The following GREB1L variants were observed in gnomAD, a reference collection of about 807,000 sequenced individuals.
The protein encoded by GREB1L is GREB1-like protein.
Under a neutral mutation model 200.8 loss-of-function variants are expected in GREB1L, and 17 were observed. The ratio of observed to expected loss-of-function variants is 0.08; its 90% CI spans 0.06 to 0.13. GREB1L has a LOEUF of 0.13. Ranked by LOEUF, GREB1L falls within the 10% of genes least tolerant of loss-of-function variation. The probability of loss-of-function intolerance (pLI) is 1.00; values close to 1 mark genes in which losing one functional copy is unlikely to be tolerated. For missense variants in GREB1L, 1,657 were observed against 2,367.7 expected, an observed-to-expected ratio of 0.70 and a Z score of 6.23; for synonymous variants, 789 against 893.0, an observed-to-expected ratio of 0.88 and a Z score of 2.08.
intron 14 of GREB1L, 50 bp from the exon 15 acceptor site, chr18:21,454,316 A>G: frequency 8.0e-7 from 1 of 1,248,810 alleles, no homozygotes; most frequent in African/African-American, 1.5e-5. Flanking sequence ...CACAGTGGCC[A>G]TTAGGGAAGT....
At position 21,454,506 on chromosome 18, in the gene GREB1L, A is replaced by G; in HGVS notation, c.2125A>G (p.Ile709Val). Residue 709 changes from isoleucine to valine, a missense_variant, in exon 15 of 33, where the codon ATT (isoleucine) becomes GTT (valine). Around this residue, in one of 9 missense-constraint regions of GREB1L, gnomAD observed 239 missense variants for 421.8 expected, o/e 0.57. Transcript: ENST00000424526. Reference sequence around the variant, plus strand: ...CTTCAGCAAAGTAGACTTCATCATCATTGTTCCCAGATCGGAGGTGTTGGT... The same window carrying G: ...CTTCAGCAAAGTAGACTTCATCATCGTTGTTCCCAGATCGGAGGTGTTGGT... ...GHFSKVDFII[I>V]VPRSEVLVQQ... is the part of the protein sequence containing the mutation. 6.4e-7 allele frequency: 1 copy of G among 1,551,638 alleles called. No individual in the cohort carries two copies. The highest frequency in any genetic ancestry group is 8.7e-7 in the Non-Finnish European group (1 of 1,146,982).
At chr18:21,357,294 C>T (rs1442104542) in intron 1 of GREB1L, among the ~76,000 whole-genome samples, 6 of 152,178 alleles carry the variant, frequency 3.9e-5, no homozygotes, top group African/African-American at 1.2e-4. Flanking sequence ...CCTCGTGATC[C>T]GCCCGCCTCA....
chr18:21,506,061 G>A (rs2037003015), intron 25 of GREB1L, 112 bp downstream of exon 25: 1 of 1,155,948 alleles, frequency 8.7e-7, no homozygotes, highest in East Asian at 2.6e-5. Flanking sequence ...CTCTGGTAAA[G>A]GATAGTTTAC....
chr18:21,252,421 G>A (rs1212246133), intron 1 of GREB1L, among the ~76,000 whole-genome samples: 1 of 151,992 alleles, frequency 6.6e-6, no homozygotes, highest in East Asian at 1.9e-4. Flanking sequence ...GCCTGGTATG[G>A]TGGCGCATGC....
chr18:21,410,860 G>T (rs1025743652), intron 7 of GREB1L, among the ~76,000 whole-genome samples: 1 of 152,024 alleles, frequency 6.6e-6, no homozygotes, highest in Non-Finnish European at 1.5e-5. Context: ...GGAGGCTGAG[G>T]CAGGAGGATC....
intron 7 of GREB1L, among the ~76,000 whole-genome samples, chr18:21,437,735 A>T (rs1328062467): frequency 6.6e-6 from 1 of 152,328 alleles, no homozygotes; most frequent in East Asian, 1.9e-4. Context: ...AAAGAAAAGG[A>T]AGGACATCTT....
At chr18:21,291,172 C>T (rs1187790484) in intron 1 of GREB1L, among the ~76,000 whole-genome samples, 1 of 152,138 alleles carries the variant, frequency 6.6e-6, no homozygotes, top group African/African-American at 2.4e-5. Flanking sequence ...CCAGGCAGTA[C>T]CCTAGCTATA....
At chr18:21,273,719 A>G (rs556258745) in intron 1 of GREB1L, among the ~76,000 whole-genome samples, 18 of 152,234 alleles carry the variant, frequency 1.2e-4, no homozygotes, top group South Asian at 8.3e-4. Context: ...CACAATGGAG[A>G]GTAGGGGAGA....
Position 21,497,815 on chromosome 18 carries a change from C to A in GREB1L, c.3391+1117C>A, listed in dbSNP as rs867346370. On this transcript the variant is annotated intron_variant, in intron 21 of 32. Transcript: ENST00000424526. ...GCCCCTCCTTCTCCCCTCACCACCCCCCCCCCTTTTTTTTTTTTTTTTTGA... is the reference window on the plus strand; with the variant it reads ...GCCCCTCCTTCTCCCCTCACCACCCACCCCCCTTTTTTTTTTTTTTTTTGA... 7.2e-3 allele frequency among the ~76,000 whole-genome samples: 897 copies of A among 123,782 alleles called. 9 individuals carry two copies. The highest frequency in any genetic ancestry group is 0.024 in the African/African-American group (845 of 35,788). The allele number at this position is 123,782 out of a possible 152,430, so 81.2% of individuals were successfully genotyped here.
At chr18:21,387,812 A>C (rs1018538020) in intron 4 of GREB1L, among the ~76,000 whole-genome samples, 2 of 152,214 alleles carry the variant, frequency 1.3e-5, no homozygotes, top group Admixed American at 6.5e-5. Context: ...TTGAGATAGA[A>C]TGTTTCATAG....
At chr18:21,515,846 G>A (rs770832405) in intron 29 of GREB1L, among the ~76,000 whole-genome samples, 7 of 152,218 alleles carry the variant, frequency 4.6e-5, no homozygotes, top group Non-Finnish European at 8.8e-5. Flanking sequence ...GGGTTACAAT[G>A]TGAAATGCTT....
At chr18:21,323,149 T>C (rs1169876731) in intron 1 of GREB1L, among the ~76,000 whole-genome samples, 2 of 151,874 alleles carry the variant, frequency 1.3e-5, no homozygotes, top group African/African-American at 4.8e-5. Flanking sequence ...TAGCGGGATG[T>C]GGTGGTGTGT....
In GREB1L at chr18:21,516,757, G is replaced by A. The variant is rs1024570095; in HGVS notation, c.5271+3G>A. On this transcript the variant is annotated splice_donor_region_variant and intron_variant, in intron 30 of 32. Coordinates refer to ENST00000424526, the MANE Select transcript of GREB1L (RefSeq NM_001142966.3). The stretch of plus-strand genomic sequence containing the variant: ...TTATCATTAAACCAAAGATCATGGT[G>A]AGTACCGCAAGCTTGATTCAAGTGC... The A allele has an allele frequency of 1.1e-5, 17 of 1,551,016 alleles. No individual in the cohort carries two copies. The highest frequency in any genetic ancestry group is 1.4e-5 in the Non-Finnish European group (16 of 1,146,636).
At chr18:21,506,124 G>T (rs537339340) in intron 25 of GREB1L, among the ~76,000 whole-genome samples, 175 bp downstream of exon 25, 62 of 152,248 alleles carry the variant, frequency 4.1e-4, no homozygotes, top group African/African-American at 1.5e-3. Flanking sequence ...GCTGGGCGCG[G>T]TGGCTCACCC....
intron 1 of GREB1L, among the ~76,000 whole-genome samples, chr18:21,345,554 C>T (rs980697741): frequency 1.3e-4 from 20 of 152,076 alleles, no homozygotes; most frequent in Non-Finnish European, 1.9e-4. Context: ...GACTGGGTTA[C>T]CTTTTCTGAA....
At chr18:21,412,327 C>G (rs1305119019) in intron 7 of GREB1L, among the ~76,000 whole-genome samples, 1 of 152,096 alleles carries the variant, frequency 6.6e-6, no homozygotes, top group Non-Finnish European at 1.5e-5. Context: ...GCAGGAGGAT[C>G]TCTTGAGCCT....
At chr18:21,357,972 C>T (rs889334736) in intron 1 of GREB1L, among the ~76,000 whole-genome samples, 1 of 151,990 alleles carries the variant, frequency 6.6e-6, no homozygotes, top group Non-Finnish European at 1.5e-5. Flanking sequence ...ATAAATTTTA[C>T]GATTATTTTT....
At chr18:21,273,485 A>T (rs755473725) in intron 1 of GREB1L, among the ~76,000 whole-genome samples, 11 of 152,098 alleles carry the variant, frequency 7.2e-5, no homozygotes, top group Non-Finnish European at 1.6e-4. Context: ...AACTATTTTA[A>T]TTGTCTATTC....
chr18:21,475,830 G>C (rs186614613), intron 16 of GREB1L, among the ~76,000 whole-genome samples: 2 of 151,822 alleles, frequency 1.3e-5, no homozygotes, highest in Non-Finnish European at 2.9e-5. Flanking sequence ...TTAGCTGGGC[G>C]TGGTGGCACA....
Sources: allele counts gnomAD v4.1 joint callset (sites outside exome capture counted in the v4.1 genomes callset), GRCh38; gene constraint gnomAD v4.1.1; regional missense constraint gnomAD v4.1.1; transcripts MANE v1.5; gene names NCBI Gene and HGNC (gene_info 2026-07-23, HGNC 2026-07-21).